The following ADCY9 variants were observed in gnomAD, a reference collection of about 807,000 sequenced individuals.
ADCY9 encodes adenylate cyclase 9, also known as adenylate cyclase type 9.
Under a neutral mutation model 101.5 loss-of-function variants are expected in ADCY9, and 50 were observed. The observed-to-expected ratio is 0.49, with a 90% CI of 0.39 to 0.62. ADCY9 has a LOEUF of 0.62. ADCY9 is among the 20% of genes least tolerant of loss of function. The probability of loss-of-function intolerance (pLI) is 0.00; values close to 1 mark genes in which losing one functional copy is unlikely to be tolerated. For missense variants in ADCY9, 1,662 were observed against 1,800.4 expected (o/e 0.92, Z 1.39); for synonymous variants, 905 against 769.3 (o/e 1.18, Z -2.92).
intron 2 of ADCY9, among the ~76,000 whole-genome samples, chr16:4,055,637 T>C (rs539392960): frequency 1.1e-4 from 16 of 150,966 alleles, no homozygotes; most frequent in Admixed American, 6.6e-4. Context: ...ATCGAGACCA[T>C]CCCGGCTAAC....
At chr16:4,092,599 C>T (rs1007301374) in intron 2 of ADCY9, among the ~76,000 whole-genome samples, 2 of 152,102 alleles carry the variant, frequency 1.3e-5, no homozygotes, top group Non-Finnish European at 2.9e-5. Flanking sequence ...TTATGGAAAA[C>T]GTGTCCTATT....
chr16:4,008,948 C>T lies in ADCY9; in HGVS notation c.1694-1390G>A, dbSNP rs150450737. Among the ~76,000 whole-genome samples, 344 of 152,172 alleles carry T rather than the reference C, an allele frequency of 2.3e-3. 4 individuals are homozygous for T. The highest frequency in any genetic ancestry group is 8.2e-3 in the African/African-American group (339 of 41,500). ...GAGGCGACGTGTCTACAACACTGAT[C>T]GACTCTGGCTTCTTACGCTGGGTAC... On this transcript the variant is annotated intron_variant, in intron 2 of 10. Coordinates refer to ENST00000294016, the MANE Select transcript of ADCY9 (RefSeq NM_001116.4).
Position 4,068,422 on chromosome 16 carries a change from C to T in ADCY9, c.1693+45328G>A, listed in dbSNP as rs372081223. Among the ~76,000 whole-genome samples the T allele has an allele frequency of 4.3e-4, 65 of 152,140 alleles. No homozygotes were observed. The South Asian group carries it at 5.6e-3, about 13-fold the overall frequency. On this transcript the variant is annotated intron_variant, in intron 2 of 10. Transcript: ENST00000294016. Reference sequence around the variant, plus strand: ...ATAAATTTGTATATATCCTTCAATGCATGTATTATTATCTCTCTAGACCCA... The same window carrying T: ...ATAAATTTGTATATATCCTTCAATGTATGTATTATTATCTCTCTAGACCCA...
intron 5 of ADCY9, among the ~76,000 whole-genome samples, chr16:3,957,321 G>GT (rs990919634): frequency 1.3e-5 from 2 of 152,220 alleles, no homozygotes; most frequent in African/African-American, 4.8e-5. Context: ...TTTTCAGCTC[G>GT]TTGGCAGAAA....
chr16:3,956,295 C>T (rs1335192710), intron 5 of ADCY9, among the ~76,000 whole-genome samples: 1 of 151,996 alleles, frequency 6.6e-6, no homozygotes, highest in Non-Finnish European at 1.5e-5. Context: ...AGTAATATTT[C>T]TTTTCTTTCC....
chr16:4,067,166 C>T (rs1310732332), intron 2 of ADCY9, among the ~76,000 whole-genome samples: 1 of 152,056 alleles, frequency 6.6e-6, no homozygotes, highest in Non-Finnish European at 1.5e-5. Context: ...ATTAGAAATA[C>T]GAACTCCTGC....
intron 2 of ADCY9, among the ~76,000 whole-genome samples, chr16:4,076,708 C>A (rs376379724): frequency 2.6e-5 from 4 of 152,270 alleles, no homozygotes; most frequent in East Asian, 1.9e-4. Flanking sequence ...CAAAGAGAAC[C>A]AAATGGCATC....
intron 2 of ADCY9, among the ~76,000 whole-genome samples, chr16:4,022,557 A>G (rs532513701): frequency 2.0e-4 from 29 of 143,916 alleles, no homozygotes; most frequent in African/African-American, 7.3e-4. Flanking sequence ...TGTATTTATT[A>G]TATACATATA....
intron 2 of ADCY9, among the ~76,000 whole-genome samples, chr16:4,092,027 G>A (rs925549020): frequency 2.6e-5 from 4 of 152,238 alleles, no homozygotes; most frequent in Admixed American, 6.5e-5. Flanking sequence ...CCAGCACTCC[G>A]GGAGGCCGAG....
At chr16:4,046,806 A>G (rs1277242500) in intron 2 of ADCY9, among the ~76,000 whole-genome samples, 1 of 152,178 alleles carries the variant, frequency 6.6e-6, no homozygotes, top group Non-Finnish European at 1.5e-5. Context: ...AGCCTGGGCA[A>G]CATAAGTGAG....
rs117936403 is a variant in ADCY9, at chr16:4,013,961, T to C, written c.1694-6403A>G. Among the ~76,000 whole-genome samples, 1,468 of 152,344 alleles carry C rather than the reference T, an allele frequency of 9.6e-3. 7 individuals carry two copies. The highest frequency in any genetic ancestry group is 0.017 in the Middle Eastern group (5 of 292). ...TGATTTGTTCTTGTTGTCCCAATAT[T>C]TGATGATAAATCTCAAGTTCCTACT... On this transcript the variant is annotated intron_variant, in intron 2 of 10. Coordinates refer to ENST00000294016, the MANE Select transcript of ADCY9 (RefSeq NM_001116.4).
chr16:4,039,747 G>C (rs1190322955), intron 2 of ADCY9, among the ~76,000 whole-genome samples: 1 of 146,136 alleles, frequency 6.8e-6, no homozygotes, highest in African/African-American at 2.5e-5. Flanking sequence ...TTGCTGAAAG[G>C]AACAATTGAG....
At chr16:4,053,192 G>A (rs192151186) in intron 2 of ADCY9, among the ~76,000 whole-genome samples, 21 of 152,242 alleles carry the variant, frequency 1.4e-4, no homozygotes, top group African/African-American at 4.6e-4. Flanking sequence ...ACACCAGCGC[G>A]GTTATCCATA....
intron 2 of ADCY9, among the ~76,000 whole-genome samples, chr16:4,075,692 A>T (rs1207552600): frequency 6.6e-6 from 1 of 152,164 alleles, no homozygotes; most frequent in Non-Finnish European, 1.5e-5. Context: ...CCAAAGACCC[A>T]TTAACGCAAA....
chr16:4,011,802 G>A (rs561455380), intron 2 of ADCY9, among the ~76,000 whole-genome samples: 1 of 152,216 alleles, frequency 6.6e-6, no homozygotes, highest in Non-Finnish European at 1.5e-5. Flanking sequence ...CTGCCTCTCA[G>A]TTTCCTCATC....
intron 3 of ADCY9, among the ~76,000 whole-genome samples, chr16:4,004,289 G>T (rs1013172134): frequency 1.3e-5 from 2 of 150,386 alleles, no homozygotes; most frequent in African/African-American, 4.9e-5. Flanking sequence ...CAACACTTGG[G>T]TGTAGAAAGG....
intron 6 of ADCY9, chr16:3,983,685 T>G: frequency 3.8e-6 from 2 of 524,910 alleles, no homozygotes; most frequent in Non-Finnish European, 6.8e-6. Context: ...TCCCGACACT[T>G]TGGGAGGCTG....
intron 2 of ADCY9, among the ~76,000 whole-genome samples, chr16:4,052,092 C>G (rs1428958477): frequency 6.6e-6 from 1 of 152,186 alleles, no homozygotes; most frequent in Non-Finnish European, 1.5e-5. Flanking sequence ...AGGGACTCTC[C>G]TGCCAGGAAC....
chr16:4,001,068 A>G (rs996670912), intron 3 of ADCY9, among the ~76,000 whole-genome samples: 5 of 151,658 alleles, frequency 3.3e-5, no homozygotes, highest in African/African-American at 1.2e-4. Flanking sequence ...AAGACAGTTC[A>G]AGGACTCTGC....
Sources: allele counts gnomAD v4.1 joint callset (sites outside exome capture counted in the v4.1 genomes callset), GRCh38; gene constraint gnomAD v4.1.1; transcripts MANE v1.5; gene names NCBI Gene and HGNC (gene_info 2026-07-23, HGNC 2026-07-21).